The following PCDH15 variants were observed in gnomAD, a reference collection of about 807,000 sequenced individuals.
PCDH15 encodes the protein protocadherin related 15.
A neutral mutation model predicts 178.5 loss-of-function variants in PCDH15; 129 were observed. That is an observed-to-expected ratio of 0.72 (90% CI 0.63 to 0.84). The LOEUF (loss-of-function observed/expected upper bound fraction) is 0.84. Ranked by LOEUF, PCDH15 falls within the 40% of genes least tolerant of loss-of-function variation. The pLI is 0.00. For synonymous variants in PCDH15, 800 were observed against 732.0 expected (o/e 1.09, Z -1.50); for missense variants, 2,230 against 2,099.9 (o/e 1.06, Z -1.21).
At chr10:55,209,223 A>G (rs1437992151) in intron 1 of PCDH15, among the ~76,000 whole-genome samples, 1 of 152,126 alleles carries the variant, frequency 6.6e-6, no homozygotes, top group Non-Finnish European at 1.5e-5. Context: ...GAATGTGTAA[A>G]GGAGATGGAG....
intron 3 of PCDH15, among the ~76,000 whole-genome samples, chr10:54,453,469 A>G (rs1424524762): frequency 6.6e-6 from 1 of 152,002 alleles, no homozygotes; most frequent in African/African-American, 2.4e-5. Context: ...ACACATGGAC[A>G]CAGGAAGGGG....
intron 2 of PCDH15, among the ~76,000 whole-genome samples, chr10:55,365,934 G>T (rs1845347996): frequency 6.6e-6 from 1 of 152,058 alleles, no homozygotes; most frequent in South Asian, 2.1e-4. Context: ...CCACTCCTTA[G>T]ATTAGAAAGA....
intron 6 of PCDH15, among the ~76,000 whole-genome samples, chr10:54,339,620 T>A (rs1478200464): frequency 1.3e-5 from 2 of 152,154 alleles, no homozygotes; most frequent in African/African-American, 4.8e-5. Context: ...CTGACAAAGA[T>A]TCTTTGCCTG....
At chr10:55,124,460 A>G (rs1330515684) in intron 2 of PCDH15, among the ~76,000 whole-genome samples, 2 of 152,164 alleles carry the variant, frequency 1.3e-5, no homozygotes, top group African/African-American at 4.8e-5. Flanking sequence ...CTTTAATAGA[A>G]TAATTTAATA....
intron 8 of PCDH15, among the ~76,000 whole-genome samples, chr10:54,241,618 T>C (rs1199796442): frequency 2.0e-5 from 3 of 152,174 alleles, no homozygotes; most frequent in Non-Finnish European, 4.4e-5. Flanking sequence ...CTCATTTGTC[T>C]TCAAGAAGAG....
chr10:54,268,241 T>C (rs2057818064), intron 8 of PCDH15, among the ~76,000 whole-genome samples: 1 of 151,856 alleles, frequency 6.6e-6, no homozygotes, highest in Non-Finnish European at 1.5e-5. Context: ...AGAATGAAAT[T>C]AGGCTCCTGT....
intron 2 of PCDH15, among the ~76,000 whole-genome samples, chr10:55,535,908 A>G (rs1408251677): frequency 6.6e-6 from 1 of 152,104 alleles, no homozygotes; most frequent in Admixed American, 6.6e-5. Flanking sequence ...CTTATATATC[A>G]TTTACACCTT....
intron 1 of PCDH15, among the ~76,000 whole-genome samples, chr10:54,735,051 T>C (rs1442314059): frequency 6.6e-6 from 1 of 151,994 alleles, no homozygotes; most frequent in Non-Finnish European, 1.5e-5. Flanking sequence ...TTCAACTTAT[T>C]ATATGAAAAC....
chr10:55,140,413 T>C (rs1173103599), intron 2 of PCDH15, among the ~76,000 whole-genome samples: 1 of 151,924 alleles, frequency 6.6e-6, no homozygotes, highest in Non-Finnish European at 1.5e-5. Context: ...TTTCTGACTT[T>C]TTCTCATAAT....
chr10:54,130,424 G>A (rs932622256), intron 15 of PCDH15, among the ~76,000 whole-genome samples: 2 of 152,134 alleles, frequency 1.3e-5, no homozygotes, highest in African/African-American at 4.8e-5. Context: ...TCACTGGCCG[G>A]TGAGAACGCT....
intron 1 of PCDH15, among the ~76,000 whole-genome samples, chr10:54,749,166 C>A (rs370863561): frequency 6.6e-6 from 1 of 152,064 alleles, no homozygotes; most frequent in African/African-American, 2.4e-5. Context: ...CAAAGTGTTT[C>A]CACCATCACC....
intron 29 of PCDH15, among the ~76,000 whole-genome samples, chr10:53,832,150 G>A (rs1299835986): frequency 6.6e-6 from 1 of 151,696 alleles, no homozygotes; most frequent in Non-Finnish European, 1.5e-5. Context: ...CTTCTGCCTA[G>A]GAAAAAAAGA....
intron 28 of PCDH15, among the ~76,000 whole-genome samples, chr10:53,848,174 A>G (rs2078104261): frequency 6.6e-6 from 1 of 151,914 alleles, no homozygotes; most frequent in Non-Finnish European, 1.5e-5. Context: ...GAAGTGATAT[A>G]TCTACCTTGT....
intron 1 of PCDH15, among the ~76,000 whole-genome samples, chr10:55,228,089 A>T (rs998314043): frequency 3.9e-5 from 6 of 152,078 alleles, no homozygotes; most frequent in Non-Finnish European, 7.4e-5. Context: ...CACTGTATTT[A>T]TTTCAATTTT....
intron 15 of PCDH15, among the ~76,000 whole-genome samples, chr10:54,108,301 A>G (rs2136222880): frequency 6.6e-6 from 1 of 152,254 alleles, no homozygotes; most frequent in South Asian, 2.1e-4. Context: ...ACACATGGCA[A>G]GAAGAGAGGA....
chr10:54,266,692 T>C (rs1411152708), intron 8 of PCDH15, among the ~76,000 whole-genome samples: 1 of 151,828 alleles, frequency 6.6e-6, no homozygotes, highest in Non-Finnish European at 1.5e-5. Flanking sequence ...CACAACTAGA[T>C]AACCTAGGAG....
intron 14 of PCDH15, among the ~76,000 whole-genome samples, chr10:54,151,267 G>A (rs762583322): frequency 2.8e-4 from 43 of 152,288 alleles, no homozygotes; most frequent in Admixed American, 2.6e-4. Flanking sequence ...GAGGCCAGGC[G>A]TCGTGGCTGA....
At chr10:53,930,687 A>G (rs1188263908) in intron 25 of PCDH15, among the ~76,000 whole-genome samples, 4 of 152,102 alleles carry the variant, frequency 2.6e-5, no homozygotes, top group East Asian at 1.9e-4. Context: ...GAAACTTACC[A>G]GATCACTGCC....
chr10:55,072,295 T>C (rs1841767476), intron 2 of PCDH15, among the ~76,000 whole-genome samples: 1 of 151,956 alleles, frequency 6.6e-6, no homozygotes, highest in African/African-American at 2.4e-5. Context: ...TTCAAAAAAT[T>C]AATGGATCCA....
Sources: allele counts gnomAD v4.1 joint callset (sites outside exome capture counted in the v4.1 genomes callset), GRCh38; gene constraint gnomAD v4.1.1; transcripts MANE v1.5; gene names NCBI Gene and HGNC (gene_info 2026-07-23, HGNC 2026-07-21).